MAN2A2: variants seen among roughly 807,000 people sequenced by gnomAD.
MAN2A2 encodes alpha-mannosidase 2x.
In MAN2A2, 79 loss-of-function variants were observed where a neutral mutation model predicts 126.8. The ratio of observed to expected loss-of-function variants is 0.62; its 90% confidence interval spans 0.52 to 0.75. The LOEUF is 0.75. Among genes scored for constraint, MAN2A2 ranks in the 30% least tolerant of loss-of-function variants. MAN2A2 has a pLI of 0.00. For missense variants in MAN2A2, 1,392 were observed against 1,522.4 expected (o/e 0.91, Z 1.43); for synonymous variants, 671 against 618.7 (o/e 1.08, Z -1.25).
At position 90,921,255 on chromosome 15, in the gene MAN2A2, G is replaced by A. The variant is rs750866979; in HGVS notation, c.*1468G>A. On this transcript the variant is annotated 3_prime_UTR_variant, in exon 23 of 23. Coordinates refer to ENST00000559717, the MANE Select transcript of MAN2A2 (RefSeq NM_006122.4). ...AAGTCAACCCAATGATACACATCATGTTCCTGTCCACATACTGGTTTTCCC... is the reference window on the plus strand; with the variant it reads ...AAGTCAACCCAATGATACACATCATATTCCTGTCCACATACTGGTTTTCCC... 10 of 152,218 alleles carry A rather than the reference G, an allele frequency of 6.6e-5. No individual in the cohort carries two copies. The highest frequency in any genetic ancestry group is 7.3e-5 in the Non-Finnish European group (5 of 68,038). 9.4% of individuals were successfully genotyped at this position (152,218 alleles called of 1,614,324 possible). A position where few individuals can be genotyped will look rare whatever the true frequency, so the allele number is the denominator to read the frequency against.
chr15:90,917,879 G>C, intron 20 of MAN2A2: 1 of 320,692 alleles, frequency 3.1e-6, no homozygotes, highest in Non-Finnish European at 6.0e-6. Context: ...CATCCTCCCT[G>C]CACTGTGGAT....
At chr15:90,917,869 C>G (rs1596181311) in intron 20 of MAN2A2, 1 of 252,328 alleles carries the variant, frequency 4.0e-6, no homozygotes, top group African/African-American at 2.2e-5. Context: ...GCCTGGCTGC[C>G]ATCCTCCCTG....
Position 90,913,299 on chromosome 15 carries a change from T to G in MAN2A2, c.2611T>G (p.Ser871Ala), listed in dbSNP as rs1311692738. 6.2e-7 allele frequency: 1 copy of G among 1,614,110 alleles called. No individual in the cohort carries two copies. Among genetic ancestry groups the G allele is most frequent in the Non-Finnish European group, 8.5e-7 (1 of 1,180,004 alleles). ...PGVEGLSLDI[S>A]SLVDIRDYVN... Reference sequence around the variant, plus strand: ...GGTGGAGGGGCTGTCTCTGGACATATCATCCCTGGTGGACATCCGGGACTA... The same window carrying G: ...GGTGGAGGGGCTGTCTCTGGACATAGCATCCCTGGTGGACATCCGGGACTA... Residue 871 changes from serine (S) to alanine (A), a missense_variant, in exon 18 of 23, where the codon TCA becomes GCA. By Grantham distance (99) the Ser-to-Ala change is moderately conservative (BLOSUM62 1). Coordinates refer to ENST00000559717, the MANE Select transcript of MAN2A2 (RefSeq NM_006122.4).
At chr15:90,911,786 T>C in intron 14 of MAN2A2, 3 of 604,664 alleles carry the variant, frequency 5.0e-6, no homozygotes, top group Non-Finnish European at 8.8e-6. Flanking sequence ...GCAGTTATAA[T>C]GCCCCATCAT....
rs535890928 is a variant in MAN2A2, at chr15:90,916,310, G to A, written c.2994+54G>A. The A allele has an allele frequency of 4.0e-5, 64 of 1,587,090 alleles. No individual in the cohort carries two copies. In the African/African-American group the frequency reaches 8.5e-4, roughly 21 times the overall value. On this transcript the variant is annotated intron_variant, in intron 20 of 22. Transcript: ENST00000559717. ...CCAGGTCTGGCTAGTCCCTGGGGGT[G>A]GCCGGGGGGTCCAGCCTAGGGCTCG...
intron 22 of MAN2A2, 99 bp from the exon 23 acceptor site, chr15:90,919,536 G>T: frequency 6.9e-7 from 1 of 1,444,828 alleles, no homozygotes; most frequent in South Asian, 1.3e-5. Flanking sequence ...ACTGCCCCTG[G>T]CTGAGATTCT....
chr15:90,909,102 T>C (rs1215540012), intron 8 of MAN2A2, among the ~76,000 whole-genome samples: 1 of 151,882 alleles, frequency 6.6e-6, no homozygotes, highest in Non-Finnish European at 1.5e-5. Flanking sequence ...TCCCAAAAGA[T>C]CTCAACAGCC....
intron 8 of MAN2A2, among the ~76,000 whole-genome samples, chr15:90,908,634 G>A (rs2034484914): frequency 6.7e-6 from 1 of 149,958 alleles, no homozygotes; most frequent in Non-Finnish European, 1.5e-5. Flanking sequence ...GGAGTGCGGT[G>A]GTGCAATTTC....
In MAN2A2 at chr15:90,906,829, A is replaced by T. The variant is rs1229973553; in HGVS notation, c.925A>T (p.Met309Leu). 1 of 1,613,976 alleles carries T rather than the reference A, an allele frequency of 6.2e-7. No homozygotes were observed. Among genetic ancestry groups the T allele is most frequent in the Non-Finnish European group, 8.5e-7 (1 of 1,180,016 alleles). ...YLLRRANLTS[M>L]LIQRVHYAIK... ...GCTGCGCCGTGCCAACCTCACCAGC[A>T]TGCTGATTCAGAGAGTGCACTATGC... is the stretch of plus-strand genomic sequence containing the variant. Residue 309 changes from methionine (M) to leucine (L), a missense_variant, in exon 7 of 23, where the codon ATG (methionine) becomes TTG (leucine). Met to Leu is a conservative substitution (Grantham distance 15, BLOSUM62 2). Transcript: ENST00000559717.
intron 7 of MAN2A2, 140 bp downstream of exon 7, chr15:90,907,053 C>G: frequency 8.8e-7 from 1 of 1,142,126 alleles, no homozygotes; most frequent in Non-Finnish European, 1.3e-6. Flanking sequence ...TGGTCGCACC[C>G]TCTGGTTAGG....
At chr15:90,913,783 G>A (rs967964643) in intron 19 of MAN2A2, 28 bp downstream of exon 19, 11 of 1,563,572 alleles carry the variant, frequency 7.0e-6, no homozygotes, top group Non-Finnish European at 9.5e-6. Flanking sequence ...GTTCTGCAGA[G>A]GGTATCAGAC....
At position 90,912,920 on chromosome 15, in the gene MAN2A2, G is replaced by C; in HGVS notation, c.2513G>C (p.Gly838Ala). Residue 838 changes from glycine to alanine, a missense_variant, in exon 17 of 23, where the codon GGC becomes GCC. Physicochemically the swap from Gly to Ala is moderately conservative, Grantham distance 60. Transcript: ENST00000559717. ...KEPPVLRVTE[G>A]PFFSEVVAYY... Reference sequence around the variant, plus strand: ...CCCCCCGTGCTGCGTGTCACTGAAGGCCCTTTCTTCTCAGAGGTGGTTGCG... The same window carrying C: ...CCCCCCGTGCTGCGTGTCACTGAAGCCCCTTTCTTCTCAGAGGTGGTTGCG... 1 of 1,614,096 alleles carries C rather than the reference G, an allele frequency of 6.2e-7. No individual in the cohort carries two copies. The highest frequency in any genetic ancestry group is 8.5e-7 in the Non-Finnish European group (1 of 1,179,978).
rs767688846 is a variant in MAN2A2 at position 90,911,487 on chromosome 15, C to G, written c.2046C>G (p.Pro682=). Residue 682 remains proline (P), a synonymous_variant, in exon 14 of 23, where the codon CCC becomes CCG. Coordinates refer to ENST00000559717, the MANE Select transcript of MAN2A2 (RefSeq NM_006122.4). The part of the protein sequence containing the change: ...RVRVLSEEGQ[P]LAVQISAHWS... ...GTGTCCTTTCGGAGGAGGGTCAGCC[C>G]CTGGCCGTGCAGATCAGCGCACACT... The G allele has an allele frequency of 6.2e-7, 1 of 1,614,188 alleles. No individual in the cohort carries two copies. The highest frequency in any genetic ancestry group is 8.5e-7 in the Non-Finnish European group (1 of 1,180,044).
chr15:90,904,916 A>G (rs1272245563), intron 2 of MAN2A2, among the ~76,000 whole-genome samples: 2 of 152,170 alleles, frequency 1.3e-5, no homozygotes, highest in African/African-American at 4.8e-5. Context: ...CTTGGCAGAC[A>G]TTGCTAATTG....
intron 20 of MAN2A2, chr15:90,916,458 C>A: frequency 9.1e-7 from 1 of 1,095,296 alleles, no homozygotes; most frequent in East Asian, 2.6e-5. Context: ...CCCAGCAGCG[C>A]TCTGTCACCT....
intron 20 of MAN2A2, 195 bp downstream of exon 20, chr15:90,916,451 A>G: frequency 9.2e-7 from 1 of 1,088,240 alleles, no homozygotes; most frequent in South Asian, 1.5e-5. Flanking sequence ...TTCCTCTCCC[A>G]GCAGCGCTCT....
chr15:90,911,817 G>A lies in MAN2A2; in HGVS notation c.2110-226G>A, dbSNP rs112642184. On this transcript the variant is annotated intron_variant, in intron 14 of 22. Transcript: ENST00000559717. ...ATCATTCAGTCATTCAATGTTTATC[G>A]AAAGCTTAATGTGTTGTTACCGCTT... The A allele has an allele frequency of 8.7e-3, 5,268 of 607,340 alleles. 234 individuals are homozygous for A. The African/African-American group carries it at 0.088, about 10-fold the overall frequency. The allele number at this position is 607,340 out of a possible 1,614,324, so 37.6% of individuals were successfully genotyped here.
At chr15:90,907,001 C>T in intron 7 of MAN2A2, 88 bp downstream of exon 7, 1 of 1,499,080 alleles carries the variant, frequency 6.7e-7, no homozygotes, top group African/African-American at 1.4e-5. Flanking sequence ...CCCCACTGTT[C>T]TTCAGAGCAG....
At chr15:90,905,182 A>G (rs2034165195) in intron 2 of MAN2A2, 69 bp from the exon 3 acceptor site, 1 of 1,549,636 alleles carries the variant, frequency 6.5e-7, no homozygotes, top group East Asian at 2.2e-5. Context: ...CTCAGCTGGT[A>G]GACCCCAAGC....
Sources: allele counts gnomAD v4.1 joint callset (sites outside exome capture counted in the v4.1 genomes callset), GRCh38; gene constraint gnomAD v4.1.1; transcripts MANE v1.5; gene names NCBI Gene and HGNC (gene_info 2026-07-23, HGNC 2026-07-21).